Variants in CAPN8 observed in about 807,000 individuals in gnomAD.
CAPN8 encodes calpain-8.
Under a neutral mutation model 80.9 loss-of-function variants are expected in CAPN8, and 87 were observed. The observed-to-expected ratio is 1.07, with a 90% CI of 0.90 to 1.28. The LOEUF (loss-of-function observed/expected upper bound fraction) is 1.28, where lower values mean the gene tolerates loss of function less well. CAPN8 is among the 50% of genes most tolerant of loss of function. The pLI, the probability that CAPN8 is intolerant of heterozygous loss-of-function variation, is 0.00. For missense variants in CAPN8, 757 were observed against 702.0 expected (o/e 1.08, Z -0.89); for synonymous variants, 299 against 273.8 (o/e 1.09, Z -0.91).
chr1:223,557,129 C>T, intron 13 of CAPN8, among the ~76,000 whole-genome samples: 1 of 152,212 alleles, frequency 6.6e-6, no homozygotes, highest in Non-Finnish European at 1.5e-5. Context: ...AGACATGGGG[C>T]ATGCATTTTC....
intron 3 of CAPN8, 62 bp downstream of exon 3, chr1:223,628,600 A>G: frequency 7.7e-7 from 1 of 1,290,894 alleles, no homozygotes; most frequent in South Asian, 1.3e-5. Context: ...GACGCAGTGG[A>G]CCTGCAGTGA....
chr1:223,541,761 C>T lies in CAPN8; in HGVS notation c.*75G>A. ...TGAATGCCACTGGAGCATAAATGTT[C>T]ACAAAATTGTAGAGAAGGGGTGACA... On this transcript the variant is annotated 3_prime_UTR_variant, in exon 21 of 21. Coordinates refer to ENST00000366872, the MANE Select transcript of CAPN8 (RefSeq NM_001143962.2). The T allele has an allele frequency of 1.3e-6, 2 of 1,550,398 alleles. No homozygotes were observed. The highest frequency in any genetic ancestry group is 1.7e-6 in the Non-Finnish European group (2 of 1,146,224).
In CAPN8 at chr1:223,644,975, C is replaced by T. The variant is rs559731512; in HGVS notation, c.307+9355G>A. Among the ~76,000 whole-genome samples, 81 of 152,228 alleles carry T rather than the reference C, an allele frequency of 5.3e-4. No homozygotes were observed. The South Asian group carries it at 7.5e-3, about 14-fold the overall frequency. On this transcript the variant is annotated intron_variant, in intron 2 of 20. Transcript: ENST00000366872. ...ATTAAGGAGTATTGATTCACACGGT[C>T]ACAAGGTAAAATTCCACAATAAGCC...
intron 1 of CAPN8, among the ~76,000 whole-genome samples, chr1:223,663,931 C>A (rs1425537404): frequency 6.6e-6 from 1 of 152,192 alleles, no homozygotes; most frequent in African/African-American, 2.4e-5. Context: ...AAAATAGGAA[C>A]CCTGACTTAA....
In CAPN8 at chr1:223,550,852, C is replaced by T. The variant is rs1572223209; in HGVS notation, c.1699+108G>A. 15 of 638,846 alleles carry T rather than the reference C, an allele frequency of 2.3e-5. No individual in the cohort carries two copies. In the East Asian group the frequency reaches 4.2e-4, roughly 18 times the overall value. The allele number at this position is 638,846 out of a possible 1,614,324, so 39.6% of individuals were successfully genotyped here. ...GGGCTCCTGGGGTCAGACACCAATG[C>T]CCTTTCTCCCACCTGTGGTGCTGCC... On this transcript the variant is annotated intron_variant, in intron 15 of 20. Transcript: ENST00000366872.
At chr1:223,612,472 G>T (rs1220701528) in intron 10 of CAPN8, among the ~76,000 whole-genome samples, 1 of 151,986 alleles carries the variant, frequency 6.6e-6, no homozygotes, top group African/African-American at 2.4e-5. Context: ...TAGAAATCTG[G>T]TGGGGGACCA....
intron 2 of CAPN8, among the ~76,000 whole-genome samples, chr1:223,644,602 G>A (rs1658138227): frequency 1.3e-5 from 2 of 152,218 alleles, no homozygotes; most frequent in South Asian, 4.1e-4. Context: ...GTGACAGGTG[G>A]TGGTAAATCC....
intron 2 of CAPN8, chr1:223,644,426 A>G (rs1658130799): frequency 6.1e-6 from 1 of 164,242 alleles, no homozygotes; most frequent in Non-Finnish European, 1.3e-5. Context: ...AAAACTGCAA[A>G]ATCTGGCCAA....
rs1321632757 is a variant in CAPN8 at position 223,625,878 on chromosome 1, GCA to G, written c.738_739del (p.Ala247SerfsTer13). ...GCTGGTGATGGCTTCGGCTTCGGCT[GCA>G]CTGGAGACCTGCGTAGAGAAGAAAG... On this transcript the variant is annotated frameshift_variant, in exon 6 of 21. Transcript: ENST00000366872. LOFTEE classifies it high-confidence loss of function. The G allele has an allele frequency of 1.0e-5, 16 of 1,551,198 alleles. No individual in the cohort carries two copies. The Admixed American group carries it at 2.9e-4, about 29-fold the overall frequency.
chr1:223,622,902 T>G lies in CAPN8; in HGVS notation c.814-2A>C. 6.4e-7 allele frequency: 1 copy of G among 1,550,866 alleles called. No homozygotes were observed. Among genetic ancestry groups the G allele is most frequent in the Non-Finnish European group, 8.7e-7 (1 of 1,146,224 alleles). On this transcript the variant is annotated splice_acceptor_variant, in intron 6 of 20. Coordinates refer to ENST00000366872, the MANE Select transcript of CAPN8 (RefSeq NM_001143962.2). LOFTEE classifies it high-confidence loss of function. ...CTCTGGATGGCCCTGGAAATTCACC[T>G]GCAAATTCCATACACAGAAAAGCGA... is the stretch of plus-strand genomic sequence containing the variant.
chr1:223,550,683 A>T (rs74145912), intron 15 of CAPN8, among the ~76,000 whole-genome samples: 4,511 of 152,240 alleles, frequency 0.03, 167 homozygotes, highest in African/African-American at 0.089. Flanking sequence ...CCTGGGACTC[A>T]GCCTGCAATT....
chr1:223,647,905 G>A (rs914784844), intron 2 of CAPN8, among the ~76,000 whole-genome samples: 1 of 152,156 alleles, frequency 6.6e-6, no homozygotes, highest in African/African-American at 2.4e-5. Flanking sequence ...TTGGATATTT[G>A]TAGCAACTGT....
chr1:223,660,390 C>A (rs956552690), intron 1 of CAPN8, among the ~76,000 whole-genome samples: 1 of 152,160 alleles, frequency 6.6e-6, no homozygotes, highest in African/African-American at 2.4e-5. Context: ...GCTAAGAACA[C>A]CCCCGATCTC....
At chr1:223,630,548 C>G (rs973111493) in intron 2 of CAPN8, among the ~76,000 whole-genome samples, 2 of 151,828 alleles carry the variant, frequency 1.3e-5, no homozygotes, top group South Asian at 4.2e-4. Flanking sequence ...GTTGCCCAGG[C>G]TGGTTTTGAA....
rs916554216 is a variant in CAPN8, at chr1:223,628,522, G to C, written c.426+140C>G. 26 of 654,428 alleles carry C rather than the reference G, an allele frequency of 4.0e-5. No homozygotes were observed. The Admixed American group carries it at 7.3e-4, about 18-fold the overall frequency. 40.5% of individuals were successfully genotyped at this position (654,428 alleles called of 1,614,324 possible). ...TTAAAGCAGAGGTTCTCAGACTGAA[G>C]TGTGCATCAGAGTCACCTAGAGGGA... On this transcript the variant is annotated intron_variant, in intron 3 of 20. Transcript: ENST00000366872.
chr1:223,615,122 T>C (rs1036353270), intron 10 of CAPN8, among the ~76,000 whole-genome samples: 2 of 152,252 alleles, frequency 1.3e-5, no homozygotes, highest in African/African-American at 4.8e-5. Flanking sequence ...ACTGGTTTCT[T>C]ATTACAATAT....
intron 16 of CAPN8, among the ~76,000 whole-genome samples, chr1:223,547,770 T>A (rs369166786): frequency 6.6e-6 from 1 of 152,242 alleles, no homozygotes; most frequent in Admixed American, 6.5e-5. Context: ...GAGACACAAA[T>A]ACCATTGGGA....
chr1:223,611,306 AC>A (rs1657024914), intron 11 of CAPN8, among the ~76,000 whole-genome samples: 1 of 152,206 alleles, frequency 6.6e-6, no homozygotes, highest in African/African-American at 2.4e-5. Context: ...CATGAGACAT[AC>A]CCACCAGTGT....
intron 2 of CAPN8, among the ~76,000 whole-genome samples, chr1:223,642,524 A>G (rs1658071774): frequency 6.6e-6 from 1 of 152,158 alleles, no homozygotes; most frequent in Admixed American, 6.5e-5. Flanking sequence ...ATCACACATC[A>G]CTACATTTGG....
Sources: allele counts gnomAD v4.1 joint callset (sites outside exome capture counted in the v4.1 genomes callset), GRCh38; gene constraint gnomAD v4.1.1; transcripts MANE v1.5; gene names NCBI Gene and HGNC (gene_info 2026-07-23, HGNC 2026-07-21).